The following ZNF215 variants were observed in gnomAD, a reference collection of about 807,000 sequenced individuals.
ZNF215 encodes zinc finger protein 215, also known as BWSCR2-associated zinc finger protein 2.
A neutral mutation model predicts 27.2 loss-of-function variants in ZNF215; 24 were observed. The ratio of observed to expected loss-of-function variants is 0.88; its 90% confidence interval spans 0.64 to 1.24. The LOEUF is 1.24. Ranked by LOEUF, ZNF215 falls within the 50% of genes most tolerant of loss-of-function variation. ZNF215 has a pLI of 0.00. For missense variants in ZNF215, 675 were observed against 605.7 expected (o/e 1.11, Z -1.20); for synonymous variants, 210 against 204.0 (o/e 1.03, Z -0.25).
At chr11:6,983,599 T>G (rs1457317633) in intron 5 of ZNF215, among the ~76,000 whole-genome samples, 1 of 152,158 alleles carries the variant, frequency 6.6e-6, no homozygotes, top group East Asian at 1.9e-4. Context: ...GTTTTAAATA[T>G]GAGAACTAAA....
chr11:6,969,067 T>A (rs1850675252), intron 5 of ZNF215, among the ~76,000 whole-genome samples: 1 of 152,140 alleles, frequency 6.6e-6, no homozygotes, highest in Non-Finnish European at 1.5e-5. Context: ...TGATTCTTCC[T>A]AATAAACTGG....
In ZNF215 at chr11:6,943,617, G is replaced by C; in HGVS notation, c.688G>C (p.Glu230Gln). ...GAAAAAAAGATGGATAATGGAGAAA[G>C]AAATACCAAGGAAGACTATTTTTGG... The part of the protein sequence containing the change: ...SKKKRWIMEK[E>Q]IPRKTIFDMK... The change falls in exon 6 of 7, where the codon GAA becomes CAA. Residue 230 changes from glutamate (E) to glutamine (Q), a missense_variant. Physicochemically the swap from Glu to Gln is conservative, Grantham distance 29. Coordinates refer to ENST00000278319, the MANE Select transcript of ZNF215 (RefSeq NM_013250.4). The C allele has an allele frequency of 6.2e-7, 1 of 1,613,880 alleles. No individual in the cohort carries two copies. Among genetic ancestry groups the C allele is most frequent in the South Asian group, 1.1e-5 (1 of 91,056 alleles).
intron 3 of ZNF215, among the ~76,000 whole-genome samples, chr11:6,937,446 T>C (rs1293556562): frequency 1.4e-5 from 2 of 147,886 alleles, no homozygotes; most frequent in Non-Finnish European, 3.0e-5. Flanking sequence ...CCCAAAGCAA[T>C]CTACAGATTC....
intron 5 of ZNF215, among the ~76,000 whole-genome samples, chr11:6,983,881 A>T (rs960852386): frequency 3.3e-5 from 5 of 151,934 alleles, no homozygotes; most frequent in Admixed American, 2.6e-4. Context: ...CTACAGGAAA[A>T]GTCCAAATGA....
intron 6 of ZNF215, among the ~76,000 whole-genome samples, chr11:6,955,063 TACAG>T (rs1441677281): frequency 6.6e-6 from 1 of 152,146 alleles, no homozygotes; most frequent in African/African-American, 2.4e-5. Context: ...TTCTAGGAAG[TACAG>T]TAGAAAAGTA....
chr11:6,934,007 G>A (rs1279098978), intron 3 of ZNF215, among the ~76,000 whole-genome samples: 1 of 152,140 alleles, frequency 6.6e-6, no homozygotes, highest in Non-Finnish European at 1.5e-5. Context: ...TCATGTGAAT[G>A]TGTGGACCTT....
In ZNF215 at chr11:6,955,694, GA is replaced by G; in HGVS notation, c.719del (p.Lys240ArgfsTer12). 1 of 1,549,072 alleles carries G rather than the reference GA, an allele frequency of 6.5e-7. No individual in the cohort carries two copies. The highest frequency in any genetic ancestry group is 1.3e-5 in the South Asian group (1 of 78,652). On this transcript the variant is annotated frameshift_variant, in exon 7 of 7. Coordinates refer to ENST00000278319, the MANE Select transcript of ZNF215 (RefSeq NM_013250.4). LOFTEE classifies it low-confidence loss of function (END_TRUNC). ...EIPRKTIFDM[K>X]SISGEESSHG... ...GCATTTTTTATTTCTCTTTAGACAT[GA>G]AGAGTATTTCTGGAGAAGAATCATC...
chr11:6,927,145 C>CG (rs5789491), intron 1 of ZNF215, among the ~76,000 whole-genome samples: 59,089 of 151,916 alleles, frequency 0.39, 11,662 homozygotes, highest in South Asian at 0.48. Flanking sequence ...AAAAACCAAG[C>CG]GTGACTGGAT....
At chr11:6,954,465 C>A (rs995661497) in intron 6 of ZNF215, among the ~76,000 whole-genome samples, 2 of 152,238 alleles carry the variant, frequency 1.3e-5, no homozygotes, top group African/African-American at 4.8e-5. Flanking sequence ...CCCAGCCTCG[C>A]TGCCACCTTG....
chr11:6,962,317 T>C (rs1850531173), downstream of ZNF215, among the ~76,000 whole-genome samples: 3 of 152,090 alleles, frequency 2.0e-5, no homozygotes, highest in African/African-American at 4.8e-5. Context: ...TGCCAGGGAC[T>C]CCCATTGGCT....
Position 6,956,763 on chromosome 11 carries a change from G to T in ZNF215, c.*232G>T, listed in dbSNP as rs949384446. Reference sequence around the variant, plus strand: ...CATAAGGCTTTGGAGTTAAACCACAGTATCACCATACAAGTATTTGTTTAT... The same window carrying T: ...CATAAGGCTTTGGAGTTAAACCACATTATCACCATACAAGTATTTGTTTAT... On this transcript the variant is annotated 3_prime_UTR_variant, in exon 7 of 7. Transcript: ENST00000278319. 1 of 1,316,436 alleles carries T rather than the reference G, an allele frequency of 7.6e-7. No individual in the cohort carries two copies. The highest frequency in any genetic ancestry group is 9.6e-7 in the Non-Finnish European group (1 of 1,037,660). 81.5% of individuals were successfully genotyped at this position (1,316,436 alleles called of 1,614,324 possible).
rs557097067 is a variant in ZNF215 at position 6,931,542 on chromosome 11, A to C, written c.-179-552A>C. ...TGGGCATTGCGTAATTCTCCATAGT[A>C]ACTCCTAACAAATATAAACTTTTCA... On this transcript the variant is annotated intron_variant, in intron 2 of 6. Transcript: ENST00000278319. Among the ~76,000 whole-genome samples, 642 of 152,342 alleles carry C rather than the reference A, an allele frequency of 4.2e-3. 7 individuals are homozygous for C. Among genetic ancestry groups the C allele is most frequent in the African/African-American group, 0.014 (597 of 41,574 alleles).
chr11:6,980,625 A>ATTATTG (rs202097666), intron 5 of ZNF215, among the ~76,000 whole-genome samples: 1 of 145,966 alleles, frequency 6.9e-6, no homozygotes, highest in African/African-American at 2.6e-5. Flanking sequence ...TATTATTATT[A>ATTATTG]TACTTTAAGT....
At chr11:6,943,695 T>C in intron 6 of ZNF215, 54 bp downstream of exon 6, 1 of 1,361,172 alleles carries the variant, frequency 7.3e-7, no homozygotes, top group East Asian at 2.3e-5. Context: ...TTCCTAAACA[T>C]ACAGACAATG....
At chr11:6,968,329 G>A (rs915725677) in intron 5 of ZNF215, among the ~76,000 whole-genome samples, 4 of 152,090 alleles carry the variant, frequency 2.6e-5, no homozygotes, top group African/African-American at 9.7e-5. Flanking sequence ...AAGAAAGTCA[G>A]TGGTAGCTTC....
At chr11:6,954,117 G>C (rs1030618743) in intron 6 of ZNF215, among the ~76,000 whole-genome samples, 1 of 152,082 alleles carries the variant, frequency 6.6e-6, no homozygotes, top group Non-Finnish European at 1.5e-5. Context: ...AGGAATACCC[G>C]GCCGTGTGAG....
intron 5 of ZNF215, among the ~76,000 whole-genome samples, chr11:6,973,361 G>A (rs1850761014): frequency 1.3e-5 from 2 of 152,270 alleles, no homozygotes; most frequent in South Asian, 2.1e-4. Context: ...AAACATACGT[G>A]TGCATGTGTC....
At position 6,969,196 on chromosome 11, in the gene ZNF215, CA is replaced by C. The variant is rs556076419; in HGVS notation, c.805+13416del. 1.6e-3 allele frequency among the ~76,000 whole-genome samples: 246 copies of C among 152,240 alleles called. 1 individual carries two copies. Among genetic ancestry groups the C allele is most frequent in the African/African-American group, 5.6e-3 (234 of 41,556 alleles). On this transcript the variant is annotated intron_variant, in intron 5 of 5. Coordinates refer to the ZNF215 transcript ENST00000529903. ...GAAAGAAAGAAAGCCCTCATATTGA[CA>C]ATTAGAATCTCAGTAACAGTGACTT...
At chr11:6,962,475 C>T (rs192715335), downstream of ZNF215, among the ~76,000 whole-genome samples, 3 of 152,122 alleles carry the variant, frequency 2.0e-5, no homozygotes, top group Admixed American at 2.0e-4. Flanking sequence ...TAGAGTGAAC[C>T]CCAGCCCTTT....
Sources: gnomAD v4.1 joint callset for allele counts (sites outside exome capture counted in the v4.1 genomes callset) on GRCh38, gnomAD v4.1.1 for gene constraint, MANE v1.5 for transcripts, NCBI Gene and HGNC (gene_info 2026-07-23, HGNC 2026-07-21) for gene names.